Variants in ASCC2 observed in about 807,000 individuals in gnomAD.
The protein encoded by ASCC2 is activating signal cointegrator 1 complex subunit 2, also known as ASC-1 complex subunit P100.
In ASCC2, 42 loss-of-function variants were observed where a neutral mutation model predicts 93.5. That is an observed-to-expected ratio of 0.45 (90% confidence interval 0.35 to 0.58). The LOEUF (loss-of-function observed/expected upper bound fraction) is 0.58. ASCC2 is among the 20% of genes least tolerant of loss of function. The probability of loss-of-function intolerance (pLI) is 0.00; values close to 1 mark genes in which losing one functional copy is unlikely to be tolerated. For missense variants in ASCC2, 859 were observed against 977.6 expected, an observed-to-expected ratio of 0.88 and a Z score of 1.62; for synonymous variants, 364 against 384.2, an observed-to-expected ratio of 0.95 and a Z score of 0.62.
intron 2 of ASCC2, among the ~76,000 whole-genome samples, chr22:29,831,819 G>A (rs1288152550): frequency 3.3e-5 from 5 of 152,176 alleles, no homozygotes; most frequent in African/African-American, 1.2e-4. Flanking sequence ...TGAGATAAAA[G>A]ACGGCCCAAC....
intron 12 of ASCC2, 71 bp from the exon 13 acceptor site, chr22:29,804,901 C>T: frequency 6.6e-7 from 1 of 1,524,234 alleles, no homozygotes; most frequent in Admixed American, 1.8e-5. Context: ...CAGTCCCTCC[C>T]CAGCATCTGA....
At chr22:29,824,257 C>T (rs1413867494) in intron 4 of ASCC2, among the ~76,000 whole-genome samples, 8 of 52,744 alleles carry the variant, frequency 1.5e-4, no homozygotes, top group Non-Finnish European at 4.9e-4. Flanking sequence ...TAAATACACA[C>T]ACACACACAC....
At chr22:29,821,933 A>C in intron 5 of ASCC2, 1 of 451,736 alleles carries the variant, frequency 2.2e-6, no homozygotes, top group Non-Finnish European at 4.4e-6. Flanking sequence ...CAGGAATGTG[A>C]AGCTGCAGTG....
At chr22:29,808,083 A>G in intron 9 of ASCC2, 28 bp downstream of exon 9, 3 of 1,613,038 alleles carry the variant, frequency 1.9e-6, no homozygotes, top group Non-Finnish European at 2.5e-6. Flanking sequence ...GTCCCACAAC[A>G]ACATTCTTAA....
chr22:29,822,232 G>T, intron 5 of ASCC2, 103 bp downstream of exon 5: 1 of 1,486,242 alleles, frequency 6.7e-7, no homozygotes, highest in Non-Finnish European at 9.2e-7. Flanking sequence ...TGCCCCTATC[G>T]CCCTGAGTCC....
chr22:29,812,300 C>A (rs1032512771), intron 8 of ASCC2, among the ~76,000 whole-genome samples: 3 of 152,168 alleles, frequency 2.0e-5, no homozygotes, highest in African/African-American at 7.2e-5. Flanking sequence ...TAGGAAGAGG[C>A]CTGTGCCCAC....
intron 1 of ASCC2, chr22:29,834,668 T>G (rs1437039739): frequency 2.4e-6 from 1 of 409,452 alleles, no homozygotes; most frequent in African/African-American, 2.1e-5. Context: ...CAAGTTACTG[T>G]CTTACTAGCC....
chr22:29,823,351 T>C (rs2061839826), intron 4 of ASCC2, among the ~76,000 whole-genome samples: 1 of 152,210 alleles, frequency 6.6e-6, no homozygotes, highest in African/African-American at 2.4e-5. Flanking sequence ...TTCTCCCTTT[T>C]AATGTAAAAA....
rs763040111 is a variant in ASCC2, at chr22:29,801,064, C to T, written c.1615G>A (p.Val539Ile). Residue 539 changes from valine to isoleucine, a missense_variant, in exon 15 of 20, where the codon GTC becomes ATC. Transcript: ENST00000307790. ...PTPLLTSRHN[V>I]FQNDEFDVFS... ...ACATCAAACTCGTCATTCTGGAAGA[C>T]GTTGTGGCGAGACGTCAGCAGGGGT... The T allele has an allele frequency of 3.5e-5, 56 of 1,609,162 alleles. No homozygotes were observed. The highest frequency in any genetic ancestry group is 6.7e-5 in the African/African-American group (5 of 74,844).
intron 1 of ASCC2, among the ~76,000 whole-genome samples, chr22:29,837,236 C>T (rs2063918557): frequency 6.6e-6 from 1 of 150,842 alleles, no homozygotes; most frequent in Non-Finnish European, 1.5e-5. Flanking sequence ...CGAGACCATC[C>T]TGGCTAGCAA....
chr22:29,790,404 G>A, intron 19 of ASCC2, 65 bp downstream of exon 19: 1 of 1,552,004 alleles, frequency 6.4e-7, no homozygotes. Flanking sequence ...TTTCCTGGGT[G>A]GCTGGCTAGG....
At chr22:29,805,668 C>A (rs2059589453) in intron 12 of ASCC2, among the ~76,000 whole-genome samples, 1 of 152,188 alleles carries the variant, frequency 6.6e-6, no homozygotes, top group Non-Finnish European at 1.5e-5. Flanking sequence ...TCCTTAAGGA[C>A]TGCCCCCTGT....
intron 2 of ASCC2, among the ~76,000 whole-genome samples, chr22:29,830,233 C>A (rs903316335): frequency 6.6e-6 from 1 of 152,206 alleles, no homozygotes; most frequent in African/African-American, 2.4e-5. Context: ...CCCACAACCA[C>A]CCTGCAAAGC....
chr22:29,789,062 C>T lies in ASCC2; in HGVS notation c.2225G>A (p.Arg742Gln), dbSNP rs1367451392. Residue 742 changes from arginine (R) to glutamine (Q), a missense_variant, in exon 20 of 20, where the codon CGG becomes CAG. Arg to Gln is a conservative substitution (Grantham distance 43). Transcript: ENST00000307790. ...ANKATRANHN[R>Q]RTMADRKRSK... Reference sequence around the variant, plus strand: ...CCTCTTGCGGTCGGCCATGGTTCTCCGGTTGTGGTTGGCTCTTGTCGCCTT... The same window carrying T: ...CCTCTTGCGGTCGGCCATGGTTCTCTGGTTGTGGTTGGCTCTTGTCGCCTT... 9.9e-6 allele frequency: 16 copies of T among 1,614,070 alleles called. No individual in the cohort carries two copies. Among genetic ancestry groups the T allele is most frequent in the Non-Finnish European group, 1.2e-5 (14 of 1,180,036 alleles).
At position 29,793,628 on chromosome 22, in the gene ASCC2, T is replaced by C. The variant is rs1343156871; in HGVS notation, c.1737A>G (p.Ala579=). 17 of 1,603,522 alleles carry C rather than the reference T, an allele frequency of 1.1e-5. No homozygotes were observed. The African/African-American group carries it at 1.6e-4, about 15-fold the overall frequency. The change falls in exon 16 of 20, where the codon GCA becomes GCG. Residue 579 remains alanine, a synonymous_variant. Coordinates refer to ENST00000307790, the MANE Select transcript of ASCC2 (RefSeq NM_032204.5). The part of the protein sequence containing the change: ...NTRSLLNDKR[A]VAAQRQRYEQ... The stretch of plus-strand genomic sequence containing the variant: ...CGTAGCGCTGCCGCTGTGCCGCCAC[T>C]GCACGCTTGTCGTTCAGCAAACTCC...
intron 2 of ASCC2, 109 bp downstream of exon 2, chr22:29,832,136 C>G (rs781254102): frequency 9.1e-5 from 85 of 933,242 alleles, no homozygotes; most frequent in Non-Finnish European, 1.3e-4. Flanking sequence ...AATCACCGAC[C>G]ATGGCCCTCG....
chr22:29,817,322 A>C (rs867650614), intron 5 of ASCC2, among the ~76,000 whole-genome samples: 1 of 151,886 alleles, frequency 6.6e-6, no homozygotes, highest in Non-Finnish European at 1.5e-5. Flanking sequence ...CCTAAAAAAA[A>C]CCCTCAAGAT....
intron 5 of ASCC2, among the ~76,000 whole-genome samples, chr22:29,819,553 G>A (rs541594867): frequency 6.6e-6 from 1 of 152,284 alleles, no homozygotes; most frequent in South Asian, 2.1e-4. Context: ...GGGGCTTAGA[G>A]TAGTTAATTG....
chr22:29,822,877 G>A (rs927310873), intron 4 of ASCC2, among the ~76,000 whole-genome samples: 3 of 150,826 alleles, frequency 2.0e-5, no homozygotes, highest in East Asian at 2.0e-4. Context: ...GTGCCACAAC[G>A]CCTGGCTAAT....
Sources: gnomAD v4.1 joint callset for allele counts (sites outside exome capture counted in the v4.1 genomes callset) on GRCh38, gnomAD v4.1.1 for gene constraint, MANE v1.5 for transcripts, NCBI Gene and HGNC (gene_info 2026-07-23, HGNC 2026-07-21) for gene names.